The following DST variants were observed in gnomAD, a reference collection of about 807,000 sequenced individuals.
The protein encoded by DST is bullous pemphigoid antigen.
A neutral mutation model predicts 875.2 loss-of-function variants in DST; 253 were observed. That is an observed-to-expected ratio of 0.29 (90% CI 0.26 to 0.32). The LOEUF (loss-of-function observed/expected upper bound fraction) is 0.32, where lower values mean the gene tolerates loss of function less well. Among genes scored for constraint, DST ranks in the 10% least tolerant of loss-of-function variants. The pLI is 1.00. For synonymous variants in DST, 3,124 were observed against 3,197.1 expected (o/e 0.98, Z 0.77); for missense variants, 8,287 against 9,111.6 (o/e 0.91, Z 3.68).
chr6:56,642,915 T>G (rs2098920496), intron 15 of DST: 2 of 1,535,410 alleles, frequency 1.3e-6, no homozygotes, highest in Non-Finnish European at 8.7e-7. Context: ...TAGTGGCTCC[T>G]TAAATATGCT....
chr6:56,931,593 C>T (rs1810224582), intron 2 of DST, among the ~76,000 whole-genome samples: 1 of 152,174 alleles, frequency 6.6e-6, no homozygotes, highest in Non-Finnish European at 1.5e-5. Context: ...GTGAAAGCAG[C>T]CAGGAGGGAG....
intron 15 of DST, among the ~76,000 whole-genome samples, chr6:56,644,406 G>A (rs1221467413): frequency 1.3e-5 from 2 of 152,132 alleles, no homozygotes; most frequent in East Asian, 1.9e-4. Flanking sequence ...ATTTCACAAC[G>A]TTGAATCCTG....
chr6:56,785,012 G>T (rs1197656108), intron 4 of DST, among the ~76,000 whole-genome samples: 1 of 152,160 alleles, frequency 6.6e-6, no homozygotes, highest in African/African-American at 2.4e-5. Context: ...GTTTGCCTGG[G>T]TATCAGCGGC....
chr6:56,591,162 CCTTTA>C (rs1164683691), intron 49 of DST, among the ~76,000 whole-genome samples: 1 of 152,174 alleles, frequency 6.6e-6, no homozygotes, highest in Non-Finnish European at 1.5e-5. Flanking sequence ...TAGTTCTCAT[CCTTTA>C]CTTTAGAATT....
rs561448634 is a variant in DST, at chr6:56,718,891, C to T, written c.688-14522G>A. On this transcript the variant is annotated intron_variant, in intron 5 of 103. Transcript: ENST00000680361. The stretch of plus-strand genomic sequence containing the variant: ...CGGAAACTTTATCAGGGGTGGTCTA[C>T]GGCTGGAGGCAGGGGAGAAACAGGA... Among the ~76,000 whole-genome samples the T allele has an allele frequency of 1.5e-3, 232 of 152,224 alleles. 1 individual carries two copies. Among genetic ancestry groups the T allele is most frequent in the Middle Eastern group, 0.014 (4 of 294 alleles).
In DST at chr6:56,508,622, T is replaced by C; in HGVS notation, c.19146A>G (p.Ile6382Met). 3 of 1,613,894 alleles carry C rather than the reference T, an allele frequency of 1.9e-6. No homozygotes were observed. Among genetic ancestry groups the C allele is most frequent in the Non-Finnish European group, 2.5e-6 (3 of 1,179,800 alleles). ...EKFWCDHMSLIVTIKDTQDFI... is the reference protein window; with the variant it reads ...EKFWCDHMSLMVTIKDTQDFI... ...AATCTTGAGTATCTTTAATGGTAAC[T>C]ATCAATGACATGTGATCACACCAGA... is the stretch of plus-strand genomic sequence containing the variant. Residue 6382 changes from isoleucine to methionine, a missense_variant, in exon 75 of 104, where the codon ATA becomes ATG. Physicochemically the swap from Ile to Met is conservative, Grantham distance 10. Around this residue, in one of 10 missense-constraint regions of DST, gnomAD observed 1,292 missense variants for 1,552.7 expected, o/e 0.83. Transcript: ENST00000680361.
In DST at chr6:56,572,776, CT is replaced by C; in HGVS notation, c.13524del (p.Asp4509MetfsTer17). 2 of 1,602,456 alleles carry C rather than the reference CT, an allele frequency of 1.2e-6. No individual in the cohort carries two copies. The highest frequency in any genetic ancestry group is 1.1e-5 in the South Asian group (1 of 88,484). ...ATATACTGAGACAATTCAGTAACATCTTTTCCTGGCACATCTACTTCAGTAA... is the reference window on the plus strand; with the variant it reads ...ATATACTGAGACAATTCAGTAACATCTTTCCTGGCACATCTACTTCAGTAA... ...QALTEVDVPG[K>X]DVTELSQYMQ... is the part of the protein sequence containing the mutation. On this transcript the variant is annotated frameshift_variant, in exon 52 of 104. Transcript: ENST00000680361. LOFTEE classifies it high-confidence loss of function.
chr6:56,593,516 C>CAAAAAAAAAAAAAAAAAAAAA (rs58251502), intron 48 of DST, 147 bp downstream of exon 48: 2 of 277,524 alleles, frequency 7.2e-6, no homozygotes, highest in African/African-American at 8.1e-5. Context: ...GACTCCTTCT[C>CAAAAAAAAAAAAAAAAAAAAA]AAAAAAAAAA....
At chr6:56,873,289 G>A (rs1778197396) in intron 3 of DST, among the ~76,000 whole-genome samples, 1 of 152,004 alleles carries the variant, frequency 6.6e-6, no homozygotes, top group African/African-American at 2.4e-5. Flanking sequence ...TTCCCATTCT[G>A]TGGGCTGTCT....
chr6:56,681,461 T>A lies in DST; in HGVS notation c.1048-10654A>T, dbSNP rs987051551. Among the ~76,000 whole-genome samples the A allele has an allele frequency of 3.7e-4, 57 of 152,170 alleles. 1 individual carries two copies. The stretch of plus-strand genomic sequence containing the variant: ...CAGAGAAAGCCCTCACCAATTCCCA[T>A]CCCGTGCTACTCCTCCACTCATCCT... On this transcript the variant is annotated intron_variant, in intron 9 of 103. Transcript: ENST00000680361.
At position 56,526,864 on chromosome 6, in the gene DST, G is replaced by C. The variant is rs1235614876; in HGVS notation, c.17923-297C>G. On this transcript the variant is annotated intron_variant, in intron 68 of 103. Coordinates refer to ENST00000680361, the MANE Select transcript of DST (RefSeq NM_001374736.1). ...GAAGCAAAAACAAGCAAGTTAACTT[G>C]TATTATTCTTTGCTTTCTGGGAACC... is the stretch of plus-strand genomic sequence containing the variant. Among the ~76,000 whole-genome samples the C allele has an allele frequency of 2.0e-5, 3 of 152,256 alleles. No homozygotes were observed. In the East Asian group the frequency reaches 5.8e-4, roughly 29 times the overall value.
At chr6:56,784,076 G>A (rs2099700022) in intron 4 of DST, among the ~76,000 whole-genome samples, 1 of 152,172 alleles carries the variant, frequency 6.6e-6, no homozygotes. Flanking sequence ...GGCTTGTAGA[G>A]TTTCTGCCGA....
At chr6:56,912,633 C>G (rs80314345) in intron 2 of DST, among the ~76,000 whole-genome samples, 1 of 152,312 alleles carries the variant, frequency 6.6e-6, no homozygotes, top group African/African-American at 2.4e-5. Flanking sequence ...GTTTATGCCT[C>G]GCTCATGTCA....
Position 56,877,795 on chromosome 6 carries a change from A to G in DST, c.417+22626T>C, listed in dbSNP as rs551858179. ...AGTGCAACTCAAAATATGCCCATGG[A>G]CAAATACCAGTCTGAGAACTGTTTT... On this transcript the variant is annotated intron_variant, in intron 3 of 103. Transcript: ENST00000680361. 1.1e-4 allele frequency among the ~76,000 whole-genome samples: 17 copies of G among 152,350 alleles called. No individual in the cohort carries two copies. The East Asian group carries it at 3.1e-3, about 28-fold the overall frequency.
intron 82 of DST, among the ~76,000 whole-genome samples, chr6:56,495,893 C>G (rs910061142): frequency 1.3e-5 from 2 of 152,064 alleles, no homozygotes; most frequent in Non-Finnish European, 2.9e-5. Flanking sequence ...TTCTTTACAA[C>G]ATCTACATGA....
chr6:56,682,162 T>A (rs2099160168), intron 9 of DST, among the ~76,000 whole-genome samples: 1 of 152,140 alleles, frequency 6.6e-6, no homozygotes, highest in Non-Finnish European at 1.5e-5. Context: ...GTCGTCACTT[T>A]TATTTTACTT....
chr6:56,941,581 TAATCA>T (rs1251799379), intron 2 of DST, among the ~76,000 whole-genome samples: 2 of 152,142 alleles, frequency 1.3e-5, no homozygotes, highest in African/African-American at 4.8e-5. Flanking sequence ...CACTTAGACT[TAATCA>T]ATCATCCCAC....
intron 4 of DST, among the ~76,000 whole-genome samples, chr6:56,736,002 G>A (rs1346419619): frequency 6.6e-6 from 1 of 151,932 alleles, no homozygotes; most frequent in Non-Finnish European, 1.5e-5. Context: ...GGGACTACAG[G>A]TATGCGCCAC....
chr6:56,901,645 C>CTGTG (rs58072124), intron 2 of DST, among the ~76,000 whole-genome samples: 2 of 151,014 alleles, frequency 1.3e-5, no homozygotes, highest in African/African-American at 4.9e-5. Context: ...GTGTGTGTAT[C>CTGTG]TGTGTGTGTG....
Sources: gnomAD v4.1 joint callset for allele counts (sites outside exome capture counted in the v4.1 genomes callset) on GRCh38, gnomAD v4.1.1 for gene constraint, gnomAD v4.1.1 regional missense constraint, MANE v1.5 for transcripts, NCBI Gene and HGNC (gene_info 2026-07-23, HGNC 2026-07-21) for gene names.